CNTNAP5: variants seen among roughly 807,000 people sequenced by gnomAD.
CNTNAP5 encodes contactin-associated protein-like 5.
A neutral mutation model predicts 150.2 loss-of-function variants in CNTNAP5; 72 were observed. The ratio of observed to expected loss-of-function variants is 0.48; its 90% CI spans 0.40 to 0.58. The LOEUF (loss-of-function observed/expected upper bound fraction) is 0.58, where lower values mean the gene tolerates loss of function less well. CNTNAP5 is among the 20% of genes least tolerant of loss of function. The pLI is 0.00. For synonymous variants in CNTNAP5, 672 were observed against 619.8 expected (o/e 1.08, Z -1.25); for missense variants, 1,636 against 1,626.2 (o/e 1.01, Z -0.10).
At chr2:124,360,207 G>A (rs1216913436) in intron 3 of CNTNAP5, among the ~76,000 whole-genome samples, 13 of 151,318 alleles carry the variant, frequency 8.6e-5, no homozygotes, top group Admixed American at 1.3e-4. Flanking sequence ...GTCTCTGTAC[G>A]TGAGATGGGT....
At chr2:124,707,140 GGAAGAAGAA>G (rs76714465) in intron 13 of CNTNAP5, among the ~76,000 whole-genome samples, 8,240 of 86,024 alleles carry the variant, frequency 0.096, 693 homozygotes, top group Admixed American at 0.11. Flanking sequence ...AAGAAGAAGA[GGAAGAAGAA>G]GAAGAAGAAG....
intron 1 of CNTNAP5, among the ~76,000 whole-genome samples, chr2:124,163,370 T>C (rs1429609132): frequency 6.6e-6 from 1 of 152,192 alleles, no homozygotes; most frequent in Middle Eastern, 3.2e-3. Flanking sequence ...ATTGTCATCA[T>C]AGGAGACCCT....
intron 3 of CNTNAP5, among the ~76,000 whole-genome samples, chr2:124,251,481 T>A (rs1255568161): frequency 6.6e-6 from 1 of 150,458 alleles, no homozygotes; most frequent in Non-Finnish European, 1.5e-5. Flanking sequence ...TTTTTTTTTT[T>A]TACCTTTTGT....
At chr2:124,877,105 C>T (rs1305619104) in intron 21 of CNTNAP5, among the ~76,000 whole-genome samples, 1 of 151,976 alleles carries the variant, frequency 6.6e-6, no homozygotes, top group African/African-American at 2.4e-5. Context: ...TTAGTTTCTC[C>T]TCATGCAACA....
At chr2:124,762,958 TCC>T (rs1680989744) in intron 14 of CNTNAP5, among the ~76,000 whole-genome samples, 1 of 152,074 alleles carries the variant, frequency 6.6e-6, no homozygotes, top group Non-Finnish European at 1.5e-5. Context: ...GTTTCCTACA[TCC>T]AATTTTTCCT....
intron 19 of CNTNAP5, among the ~76,000 whole-genome samples, chr2:124,831,993 G>A (rs891750898): frequency 2.3e-4 from 35 of 151,804 alleles, no homozygotes; most frequent in African/African-American, 8.0e-4. Flanking sequence ...CAGAAAATTC[G>A]GTTGTTTTCA....
chr2:124,481,206 G>A (rs555594496), intron 7 of CNTNAP5, among the ~76,000 whole-genome samples: 1 of 152,034 alleles, frequency 6.6e-6, no homozygotes, highest in Non-Finnish European at 1.5e-5. Context: ...AAGTCCCTTG[G>A]GGCTATTTTG....
chr2:124,567,781 C>A (rs1696057476), intron 11 of CNTNAP5, among the ~76,000 whole-genome samples: 1 of 151,372 alleles, frequency 6.6e-6, no homozygotes, highest in African/African-American at 2.4e-5. Flanking sequence ...TATTACAAAT[C>A]CAAATTAAGA....
intron 1 of CNTNAP5, among the ~76,000 whole-genome samples, chr2:124,096,672 G>A (rs1682941003): frequency 6.6e-6 from 1 of 151,746 alleles, no homozygotes; most frequent in African/African-American, 2.4e-5. Flanking sequence ...CTGTGGCCCA[G>A]AGAAGCCAAA....
At chr2:124,730,645 G>A (rs2105126569) in intron 13 of CNTNAP5, among the ~76,000 whole-genome samples, 1 of 151,986 alleles carries the variant, frequency 6.6e-6, no homozygotes, top group South Asian at 2.1e-4. Context: ...ATTTTATCTA[G>A]TTTTATAAGA....
chr2:124,824,579 A>C (rs1682555206), intron 19 of CNTNAP5, among the ~76,000 whole-genome samples: 1 of 152,142 alleles, frequency 6.6e-6, no homozygotes, highest in Admixed American at 6.5e-5. Flanking sequence ...AGCATGAAAA[A>C]AAATCCATGG....
chr2:124,686,097 C>T (rs1011511263), intron 13 of CNTNAP5, among the ~76,000 whole-genome samples: 3 of 152,046 alleles, frequency 2.0e-5, no homozygotes, highest in South Asian at 4.1e-4. Context: ...AATTGGTGAA[C>T]AGTCTCCTAC....
intron 8 of CNTNAP5, among the ~76,000 whole-genome samples, chr2:124,513,649 T>C (rs545581447): frequency 7.2e-5 from 11 of 151,988 alleles, no homozygotes; most frequent in African/African-American, 2.7e-4. Flanking sequence ...GAAAGAAGAG[T>C]TAGTAGTGAT....
At position 124,665,434 on chromosome 2, in the gene CNTNAP5, A is replaced by G. The variant is rs114958653; in HGVS notation, c.2077+17476A>G. 7.2e-3 allele frequency among the ~76,000 whole-genome samples: 1,099 copies of G among 152,356 alleles called. 5 individuals are homozygous for G. Among genetic ancestry groups the G allele is most frequent in the Admixed American group, 0.011 (170 of 15,304 alleles). On this transcript the variant is annotated intron_variant, in intron 13 of 23. Coordinates refer to ENST00000682447, the MANE Select transcript of CNTNAP5 (RefSeq NM_001367498.1). ...TATAGTTTCAGTGTTAGTTCAAGCT[A>G]ATGTCAACATCAACTGACGAGCAAA...
chr2:124,756,224 C>G (rs894251974), intron 14 of CNTNAP5, among the ~76,000 whole-genome samples: 1 of 152,276 alleles, frequency 6.6e-6, no homozygotes, highest in Middle Eastern at 3.4e-3. Flanking sequence ...GAGATACCAT[C>G]TTATACCAGT....
At position 124,914,344 on chromosome 2, in the gene CNTNAP5, C is replaced by G; in HGVS notation, c.*56C>G. The G allele has an allele frequency of 8.2e-7, 1 of 1,223,556 alleles. No homozygotes were observed. The highest frequency in any genetic ancestry group is 2.4e-5 in the East Asian group (1 of 41,952). The allele number at this position is 1,223,556 out of a possible 1,614,324, so 75.8% of individuals were successfully genotyped here. On this transcript the variant is annotated 3_prime_UTR_variant, in exon 24 of 24. Transcript: ENST00000682447. ...CTTGTTGTTCAATTATCTCCTCCCC[C>G]TCTTCTCTCCTGTCTTTTGATTTGG...
At chr2:124,824,268 G>A (rs1227347681) in intron 19 of CNTNAP5, among the ~76,000 whole-genome samples, 1 of 151,944 alleles carries the variant, frequency 6.6e-6, no homozygotes, top group Non-Finnish European at 1.5e-5. Context: ...GCCATCTGGG[G>A]AGTCATCCTC....
At chr2:124,254,186 C>T (rs1414621097) in intron 3 of CNTNAP5, among the ~76,000 whole-genome samples, 3 of 152,174 alleles carry the variant, frequency 2.0e-5, no homozygotes, top group Non-Finnish European at 4.4e-5. Flanking sequence ...ATATTTAAAT[C>T]CTTATCTAAA....
chr2:124,267,666 A>T (rs894849908), intron 3 of CNTNAP5, among the ~76,000 whole-genome samples: 1 of 152,192 alleles, frequency 6.6e-6, no homozygotes, highest in Admixed American at 6.6e-5. Context: ...TTCTAGGAGA[A>T]TGACTTGCAT....
Sources: gnomAD v4.1 joint callset for allele counts (sites outside exome capture counted in the v4.1 genomes callset) on GRCh38, gnomAD v4.1.1 for gene constraint, MANE v1.5 for transcripts, NCBI Gene and HGNC (gene_info 2026-07-23, HGNC 2026-07-21) for gene names.